Variants in SRD5A1 observed in about 807,000 individuals in gnomAD.
The protein encoded by SRD5A1 is 3-oxo-5-alpha-steroid 4-dehydrogenase 1.
Under a neutral mutation model 28.2 loss-of-function variants are expected in SRD5A1, and 22 were observed. The observed-to-expected ratio is 0.78, with a 90% CI of 0.56 to 1.12. The LOEUF is 1.12. Ranked by LOEUF, SRD5A1 falls within the 50% of genes most tolerant of loss-of-function variation. The pLI is 0.00. For missense variants in SRD5A1, 300 were observed against 346.7 expected, an observed-to-expected ratio of 0.87 and a Z score of 1.07; for synonymous variants, 151 against 135.0, an observed-to-expected ratio of 1.12 and a Z score of -0.82.
intron 4 of SRD5A1, among the ~76,000 whole-genome samples, chr5:6,667,980 T>C (rs1329355107): frequency 6.6e-6 from 1 of 152,248 alleles, no homozygotes; most frequent in African/African-American, 2.4e-5. Context: ...GAAAGGTGAA[T>C]TCTATGGGCT....
intron 1 of SRD5A1, chr5:6,644,799 G>A (rs1738460517): frequency 2.3e-6 from 1 of 442,120 alleles, no homozygotes; most frequent in Admixed American, 2.4e-5. Context: ...AATTCTGCTT[G>A]TTCCACAGGA....
intron 1 of SRD5A1, among the ~76,000 whole-genome samples, chr5:6,648,669 T>C (rs909332728): frequency 2.0e-5 from 3 of 152,202 alleles, no homozygotes; most frequent in African/African-American, 7.2e-5. Context: ...CCTCTAACCT[T>C]TTTTCCAGGT....
chr5:6,635,456 C>T (rs472358), intron 1 of SRD5A1, among the ~76,000 whole-genome samples: 25,612 of 152,120 alleles, frequency 0.17, 2,363 homozygotes, highest in East Asian at 0.23. Flanking sequence ...TCAGAGTATT[C>T]GGTGCTATCC....
chr5:6,646,853 T>C (rs1257936371), intron 1 of SRD5A1, among the ~76,000 whole-genome samples: 1 of 152,234 alleles, frequency 6.6e-6, no homozygotes, highest in Non-Finnish European at 1.5e-5. Flanking sequence ...TCTCTAGTTC[T>C]TTTAATTGTG....
intron 1 of SRD5A1, among the ~76,000 whole-genome samples, chr5:6,637,393 A>G (rs1738217391): frequency 6.6e-6 from 1 of 151,720 alleles, no homozygotes; most frequent in South Asian, 2.1e-4. Flanking sequence ...ACTCTTCCCC[A>G]CTGGTCTTTC....
At chr5:6,637,451 C>A (rs1260961135) in intron 1 of SRD5A1, among the ~76,000 whole-genome samples, 2 of 152,182 alleles carry the variant, frequency 1.3e-5, no homozygotes, top group African/African-American at 4.8e-5. Flanking sequence ...GCAAAAGTCT[C>A]CCGGAGTCAA....
chr5:6,660,125 C>G (rs1738959709), intron 3 of SRD5A1, among the ~76,000 whole-genome samples: 1 of 152,222 alleles, frequency 6.6e-6, no homozygotes, highest in Admixed American at 6.5e-5. Context: ...TCAGTACATA[C>G]AGGCTGAACT....
intron 1 of SRD5A1, among the ~76,000 whole-genome samples, chr5:6,637,839 T>C (rs1738242332): frequency 6.6e-6 from 1 of 152,216 alleles, no homozygotes. Context: ...TGTGGGACTT[T>C]GCTTCTGTCT....
rs186062423 is a variant in SRD5A1 at position 6,640,142 on chromosome 5, A to G, written c.293+6273A>G. ...GGCTGGAGCACCTGGGAAAAGGGACATTGCCAGCCAGCCCTGCCTCTGTGA... is the reference window on the plus strand; with the variant it reads ...GGCTGGAGCACCTGGGAAAAGGGACGTTGCCAGCCAGCCCTGCCTCTGTGA... On this transcript the variant is annotated intron_variant, in intron 1 of 4. Coordinates refer to ENST00000274192, the MANE Select transcript of SRD5A1 (RefSeq NM_001047.4). 2.4e-3 allele frequency among the ~76,000 whole-genome samples: 362 copies of G among 152,270 alleles called. 1 individual carries two copies. The highest frequency in any genetic ancestry group is 8.6e-3 in the African/African-American group (357 of 41,546).
intron 4 of SRD5A1, among the ~76,000 whole-genome samples, chr5:6,665,729 G>T (rs919303683): frequency 2.6e-5 from 4 of 151,982 alleles, no homozygotes; most frequent in Admixed American, 1.3e-4. Context: ...TTGAACATGG[G>T]CACACCAAGT....
chr5:6,664,764 C>T (rs920279256), intron 4 of SRD5A1, among the ~76,000 whole-genome samples: 6 of 152,346 alleles, frequency 3.9e-5, no homozygotes, highest in African/African-American at 7.2e-5. Flanking sequence ...AGCAGCGCCC[C>T]GCATTCTTCG....
chr5:6,663,620 G>A (rs1739075562), intron 4 of SRD5A1, among the ~76,000 whole-genome samples: 1 of 152,236 alleles, frequency 6.6e-6, no homozygotes, highest in Admixed American at 6.5e-5. Flanking sequence ...AGCACTTTGG[G>A]AGGCCAAGGC....
chr5:6,652,426 A>G (rs1012259110), intron 2 of SRD5A1, among the ~76,000 whole-genome samples: 4 of 152,228 alleles, frequency 2.6e-5, no homozygotes, highest in African/African-American at 9.6e-5. Context: ...ATGAACTTGA[A>G]TCAACTTTTA....
Position 6,633,758 on chromosome 5 carries a change from T to C in SRD5A1, c.182T>C (p.Leu61Pro). 6.3e-7 allele frequency: 1 copy of C among 1,597,098 alleles called. No homozygotes were observed. The highest frequency in any genetic ancestry group is 1.1e-5 in the South Asian group (1 of 91,004). ...PARAAWVVQE[L>P]PSLALPLYQY... ...CGGGCCGCCTGGGTGGTGCAGGAGC[T>C]GCCCTCGCTGGCCCTGCCGCTCTAC... Residue 61 changes from leucine to proline, a missense_variant, in exon 1 of 5, where the codon CTG (leucine) becomes CCG (proline). Leu to Pro is a moderately conservative substitution (Grantham distance 98, BLOSUM62 -3). This residue lies in a region of SRD5A1 where 174 missense variants were observed against 160.9 expected (regional missense o/e 1.08). Coordinates refer to ENST00000274192, the MANE Select transcript of SRD5A1 (RefSeq NM_001047.4).
chr5:6,653,793 C>T (rs995515669), intron 2 of SRD5A1, among the ~76,000 whole-genome samples: 6 of 152,262 alleles, frequency 3.9e-5, no homozygotes, highest in Admixed American at 6.5e-5. Context: ...GCAGATGGTT[C>T]GCATCACGTA....
chr5:6,666,963 C>T lies in SRD5A1; in HGVS notation c.714-1239C>T, dbSNP rs137887396. The stretch of plus-strand genomic sequence containing the variant: ...CCACGGGCAGTTTCTGGGAGAGAGG[C>T]GCTCACCTGCTATGTCACTGTGCGG... On this transcript the variant is annotated intron_variant, in intron 4 of 4. Coordinates refer to ENST00000274192, the MANE Select transcript of SRD5A1 (RefSeq NM_001047.4). Among the ~76,000 whole-genome samples the T allele has an allele frequency of 6.3e-3, 965 of 152,334 alleles. 6 individuals are homozygous for T. Among genetic ancestry groups the T allele is most frequent in the Non-Finnish European group, 0.011 (717 of 68,024 alleles).
intron 1 of SRD5A1, chr5:6,645,209 G>A (rs1358260620): frequency 1.2e-5 from 4 of 327,600 alleles, no homozygotes; most frequent in Non-Finnish European, 2.4e-5. Context: ...TACTGTCGAC[G>A]TTCATAACCA....
intron 4 of SRD5A1, among the ~76,000 whole-genome samples, chr5:6,667,640 A>G (rs1447935070): frequency 6.6e-6 from 1 of 152,240 alleles, no homozygotes; most frequent in African/African-American, 2.4e-5. Flanking sequence ...ATTTATATCA[A>G]AACGGAAAAT....
Position 6,633,739 on chromosome 5 carries a change from G to A in SRD5A1, c.163G>A (p.Ala55Thr). ...CAGGCTCCGAGTGCCGGCGCGGGCCGCCTGGGTGGTGCAGGAGCTGCCCTC... is the reference window on the plus strand; with the variant it reads ...CAGGCTCCGAGTGCCGGCGCGGGCCACCTGGGTGGTGCAGGAGCTGCCCTC... ...SHRLRVPARAAWVVQELPSLA... is the reference protein window; with the variant it reads ...SHRLRVPARATWVVQELPSLA... The change falls in exon 1 of 5, where the codon GCC (alanine) becomes ACC (threonine). Residue 55 changes from alanine to threonine, a missense_variant. Ala to Thr is a moderately conservative substitution (Grantham distance 58). Transcript: ENST00000274192. 6.3e-7 allele frequency: 1 copy of A among 1,595,150 alleles called. No homozygotes were observed. Among genetic ancestry groups the A allele is most frequent in the East Asian group, 2.2e-5 (1 of 44,706 alleles).
Sources: allele counts gnomAD v4.1 joint callset (sites outside exome capture counted in the v4.1 genomes callset), GRCh38; gene constraint gnomAD v4.1.1; regional missense constraint gnomAD v4.1.1; transcripts MANE v1.5; gene names NCBI Gene and HGNC (gene_info 2026-07-23, HGNC 2026-07-21).